The following TAX1BP1 variants were observed in gnomAD, a reference collection of about 807,000 sequenced individuals.
TAX1BP1 encodes the protein tax1-binding protein 1.
A neutral mutation model predicts 97.7 loss-of-function variants in TAX1BP1; 62 were observed. That is an observed-to-expected ratio of 0.63 (90% CI 0.52 to 0.78). The LOEUF (loss-of-function observed/expected upper bound fraction) is 0.78, where lower values mean the gene tolerates loss of function less well. TAX1BP1 is among the 30% of genes least tolerant of loss of function. The pLI, the probability that TAX1BP1 is intolerant of heterozygous loss-of-function variation, is 0.00. For missense variants in TAX1BP1, 867 were observed against 916.1 expected (o/e 0.95, Z 0.69); for synonymous variants, 340 against 304.2 (o/e 1.12, Z -1.23).
At chr7:27,777,879 G>C (rs980840399) in intron 5 of TAX1BP1, among the ~76,000 whole-genome samples, 1 of 152,176 alleles carries the variant, frequency 6.6e-6, no homozygotes, top group Non-Finnish European at 1.5e-5. Flanking sequence ...CCAGTGGCTT[G>C]AGAGCTGTTC....
At chr7:27,751,872 C>T (rs1055360411) in intron 2 of TAX1BP1, among the ~76,000 whole-genome samples, 1 of 151,988 alleles carries the variant, frequency 6.6e-6, no homozygotes, top group East Asian at 1.9e-4. Context: ...GGGCTGGTCT[C>T]GAACTCCTGG....
At position 27,828,866 on chromosome 7, in the gene TAX1BP1, A is replaced by T. The variant is rs767285680; in HGVS notation, c.*37A>T. On this transcript the variant is annotated 3_prime_UTR_variant, in exon 17 of 17. Transcript: ENST00000396319. ...TATGAGTTAATATAGTTTAGCAGTA[A>T]AAAAAAAAAAAAAAACCACACCTAA... The T allele has an allele frequency of 1.8e-4, 185 of 1,050,318 alleles. No individual in the cohort carries two copies. Among genetic ancestry groups the T allele is most frequent in the South Asian group, 3.7e-4 (19 of 51,440 alleles). 65.1% of individuals were successfully genotyped at this position (1,050,318 alleles called of 1,614,324 possible).
intron 8 of TAX1BP1, among the ~76,000 whole-genome samples, chr7:27,788,449 C>G (rs148796910): frequency 6.6e-6 from 1 of 152,104 alleles, no homozygotes; most frequent in East Asian, 1.9e-4. Flanking sequence ...CTTTGATGCT[C>G]CTCACCTGCA....
At chr7:27,755,435 C>T (rs576483017) in intron 2 of TAX1BP1, among the ~76,000 whole-genome samples, 34 of 152,144 alleles carry the variant, frequency 2.2e-4, no homozygotes, top group Admixed American at 3.3e-4. Flanking sequence ...ATGCTTTCCT[C>T]AACCTAATGT....
chr7:27,787,316 C>A, intron 7 of TAX1BP1, 102 bp from the exon 8 acceptor site: 1 of 1,083,422 alleles, frequency 9.2e-7, no homozygotes, highest in Non-Finnish European at 1.3e-6. Context: ...GTCTTTCCTT[C>A]CTTTCGTTGT....
chr7:27,769,887 C>G lies in TAX1BP1; in HGVS notation c.612+53C>G, dbSNP rs1264979580. The stretch of plus-strand genomic sequence containing the variant: ...AAGTTGATAGTATATTGCCTGAAAC[C>G]CACCTTTTTAAAGAGCTGAACCAAT... On this transcript the variant is annotated intron_variant, in intron 5 of 16. Coordinates refer to ENST00000396319, the MANE Select transcript of TAX1BP1 (RefSeq NM_006024.7). 2.8e-5 allele frequency: 43 copies of G among 1,562,760 alleles called. No homozygotes were observed. In the South Asian group the frequency reaches 5.0e-4, roughly 18 times the overall value.
intron 2 of TAX1BP1, among the ~76,000 whole-genome samples, chr7:27,750,188 A>G (rs1787972052): frequency 6.6e-6 from 1 of 152,230 alleles, no homozygotes; most frequent in Non-Finnish European, 1.5e-5. Flanking sequence ...GAGAGGAAGA[A>G]AACAGAAATG....
chr7:27,747,496 G>A (rs1025487919), intron 1 of TAX1BP1, among the ~76,000 whole-genome samples: 2 of 152,036 alleles, frequency 1.3e-5, no homozygotes, highest in Non-Finnish European at 2.9e-5. Context: ...GTAAACATGT[G>A]GAAAGGGTAC....
chr7:27,799,223 G>A (rs549363933), intron 12 of TAX1BP1, among the ~76,000 whole-genome samples: 164 of 152,162 alleles, frequency 1.1e-3, no homozygotes, highest in African/African-American at 3.7e-3. Context: ...CTGACCTAGC[G>A]TTATTTGTTT....
In TAX1BP1 at chr7:27,787,484, T is replaced by A. The variant is rs11540483; in HGVS notation, c.919T>A (p.Leu307Ile). The A allele has an allele frequency of 0.1, 162,161 of 1,613,084 alleles. 9,395 individuals carry two copies. Among genetic ancestry groups the A allele is most frequent in the Middle Eastern group, 0.13 (766 of 6,028 alleles). The change falls in exon 8 of 17, where the codon TTA becomes ATA. Residue 307 changes from leucine (L) to isoleucine (I), a missense_variant. Transcript: ENST00000396319. ...GTCAGAGGTCCAGACTTTAAAAAAT[T>A]TAGATGGGAACAAAGAAAGCGTGAT... ...LMSEVQTLKN[L>I]DGNKESVITH...
chr7:27,791,346 A>G (rs1338177875), intron 8 of TAX1BP1, among the ~76,000 whole-genome samples: 3 of 152,194 alleles, frequency 2.0e-5, no homozygotes, highest in African/African-American at 7.2e-5. Flanking sequence ...TTTAAATGTT[A>G]TAATGTTTAA....
intron 1 of TAX1BP1, among the ~76,000 whole-genome samples, chr7:27,742,938 T>C (rs1015879653): frequency 1.3e-5 from 2 of 152,254 alleles, no homozygotes; most frequent in Non-Finnish European, 2.9e-5. Context: ...GCTCCTTGTA[T>C]ACTTCTTTTG....
intron 13 of TAX1BP1, among the ~76,000 whole-genome samples, chr7:27,806,960 G>A (rs6957673): frequency 0.03 from 4,523 of 152,192 alleles, 209 homozygotes; most frequent in African/African-American, 0.1. Flanking sequence ...TCCTATGGGT[G>A]TGGAAGAATT....
chr7:27,778,463 G>A (rs1411273102), intron 5 of TAX1BP1, among the ~76,000 whole-genome samples: 1 of 152,070 alleles, frequency 6.6e-6, no homozygotes, highest in Non-Finnish European at 1.5e-5. Flanking sequence ...CAAGAATATA[G>A]ATAGGTTCTG....
intron 16 of TAX1BP1, 143 bp downstream of exon 16, chr7:27,827,963 T>C: frequency 1.6e-6 from 1 of 625,464 alleles, no homozygotes; most frequent in Non-Finnish European, 2.7e-6. Flanking sequence ...CCCAGCAATA[T>C]GTGTTTTAAC....
chr7:27,756,564 T>C (rs1164528266), intron 2 of TAX1BP1, among the ~76,000 whole-genome samples: 6 of 152,076 alleles, frequency 3.9e-5, no homozygotes, highest in Non-Finnish European at 7.4e-5. Flanking sequence ...GAGGAGAAAA[T>C]AGAAATGAAT....
intron 1 of TAX1BP1, among the ~76,000 whole-genome samples, chr7:27,748,019 T>C (rs547553954): frequency 6.6e-6 from 1 of 151,964 alleles, no homozygotes. Flanking sequence ...GGGGAAGAGA[T>C]GAATGGGATG....
intron 15 of TAX1BP1, 97 bp from the exon 16 acceptor site, chr7:27,827,640 TA>T: frequency 1.1e-6 from 1 of 926,628 alleles, no homozygotes; most frequent in Non-Finnish European, 1.7e-6. Context: ...TCCTGAAGTG[TA>T]ATCTTCTTTT....
intron 5 of TAX1BP1, among the ~76,000 whole-genome samples, chr7:27,773,925 G>GT (rs1279433910): frequency 1.3e-5 from 2 of 151,942 alleles, no homozygotes; most frequent in African/African-American, 4.8e-5. Context: ...TATGAATTGA[G>GT]TTTTTTTCAT....
Sources: allele counts gnomAD v4.1 joint callset (sites outside exome capture counted in the v4.1 genomes callset), GRCh38; gene constraint gnomAD v4.1.1; transcripts MANE v1.5; gene names NCBI Gene and HGNC (gene_info 2026-07-23, HGNC 2026-07-21).